Variants in ARHGEF7 observed in about 807,000 individuals in gnomAD.
ARHGEF7 encodes Rho guanine nucleotide exchange factor 7.
A neutral mutation model predicts 109.8 loss-of-function variants in ARHGEF7; 33 were observed. The ratio of observed to expected loss-of-function variants is 0.30; its 90% CI spans 0.23 to 0.40. The LOEUF is 0.40. ARHGEF7 is among the 10% of genes least tolerant of loss of function. ARHGEF7 has a pLI of 1.00. For synonymous variants in ARHGEF7, 458 were observed against 424.6 expected, an observed-to-expected ratio of 1.08 and a Z score of -0.97; for missense variants, 938 against 1,098.5, an observed-to-expected ratio of 0.85 and a Z score of 2.07.
At chr13:111,286,090 G>A (rs1332420826) in intron 16 of ARHGEF7, 57 bp from the exon 17 acceptor site, 2 of 1,373,836 alleles carry the variant, frequency 1.5e-6, no homozygotes, top group Non-Finnish European at 2.1e-6. Flanking sequence ...TTTCTGATAT[G>A]CCAGTGAAAA....
At chr13:111,203,042 G>A (rs2081371625) in intron 2 of ARHGEF7, 3 of 1,263,078 alleles carry the variant, frequency 2.4e-6, no homozygotes, top group African/African-American at 1.6e-5. Flanking sequence ...ATATAGTTCT[G>A]GAATAACAGG....
Position 111,180,956 on chromosome 13 carries a change from C to G in ARHGEF7, c.253-24333C>G, listed in dbSNP as rs117242711. 2.6e-5 allele frequency among the ~76,000 whole-genome samples: 4 copies of G among 152,322 alleles called. No individual in the cohort carries two copies. In the East Asian group the frequency reaches 7.7e-4, roughly 29 times the overall value. On this transcript the variant is annotated intron_variant, in intron 2 of 21. Transcript: ENST00000646102. ...TGTTAGTGTTCAAAATGCCCCCCAT[C>G]ATTCTGGGCATGATGTGTAACTCAG...
At chr13:111,215,716 A>G (rs1594800357) in intron 4 of ARHGEF7, among the ~76,000 whole-genome samples, 2 of 152,308 alleles carry the variant, frequency 1.3e-5, no homozygotes, top group East Asian at 3.9e-4. Context: ...GGTCTCTTTG[A>G]CATTCAAACA....
intron 3 of ARHGEF7, among the ~76,000 whole-genome samples, chr13:111,206,601 G>A (rs1197438471): frequency 1.3e-5 from 2 of 152,138 alleles, no homozygotes; most frequent in Non-Finnish European, 2.9e-5. Context: ...AATGAAAATT[G>A]TCACATTATT....
intron 6 of ARHGEF7, chr13:111,241,380 C>T: frequency 6.5e-7 from 1 of 1,531,986 alleles, no homozygotes; most frequent in Non-Finnish European, 8.7e-7. Flanking sequence ...GGAAGGCCAG[C>T]AACCTCCTGG....
At chr13:111,227,701 C>T (rs78065043) in intron 5 of ARHGEF7, among the ~76,000 whole-genome samples, 3,325 of 152,280 alleles carry the variant, frequency 0.022, 102 homozygotes, top group African/African-American at 0.073. Context: ...CCTTCTTCCT[C>T]CTACTTTCTT....
At chr13:111,147,331 T>G (rs1318376063) in intron 1 of ARHGEF7, among the ~76,000 whole-genome samples, 1 of 152,200 alleles carries the variant, frequency 6.6e-6, no homozygotes. Context: ...TCCAGTTACT[T>G]TACATCCTTG....
chr13:111,137,653 G>C (rs1404388931), intron 1 of ARHGEF7, among the ~76,000 whole-genome samples: 1 of 152,084 alleles, frequency 6.6e-6, no homozygotes, highest in Non-Finnish European at 1.5e-5. Context: ...TGAAAAATTG[G>C]AATCCCATTT....
At chr13:111,214,708 C>T (rs1242660668) in intron 4 of ARHGEF7, among the ~76,000 whole-genome samples, 1 of 152,230 alleles carries the variant, frequency 6.6e-6, no homozygotes, top group Non-Finnish European at 1.5e-5. Context: ...AGCTTTGTGT[C>T]TGCGCTGGTA....
chr13:111,224,174 G>A (rs951139477), intron 5 of ARHGEF7, among the ~76,000 whole-genome samples: 2 of 152,190 alleles, frequency 1.3e-5, no homozygotes, highest in Admixed American at 1.3e-4. Context: ...TTTTTTACAG[G>A]CTGATATGTA....
intron 6 of ARHGEF7, among the ~76,000 whole-genome samples, chr13:111,241,949 T>C (rs2087863587): frequency 6.6e-6 from 1 of 152,188 alleles, no homozygotes; most frequent in Non-Finnish European, 1.5e-5. Context: ...GCTTCCCCTG[T>C]TGTTCTGGAG....
chr13:111,251,007 C>G (rs1408170342), intron 8 of ARHGEF7, among the ~76,000 whole-genome samples: 1 of 152,188 alleles, frequency 6.6e-6, no homozygotes, highest in African/African-American at 2.4e-5. Context: ...TTGACTAGAT[C>G]ACTGGACATT....
At chr13:111,298,455 A>G (rs1475831745) in intron 19 of ARHGEF7, among the ~76,000 whole-genome samples, 1 of 152,108 alleles carries the variant, frequency 6.6e-6, no homozygotes, top group African/African-American at 2.4e-5. Context: ...GCCCACCAGA[A>G]GGCAGCCCAG....
chr13:111,140,649 T>A (rs2075302685), intron 1 of ARHGEF7, among the ~76,000 whole-genome samples: 1 of 152,142 alleles, frequency 6.6e-6, no homozygotes, highest in African/African-American at 2.4e-5. Flanking sequence ...TGCTTGGCCA[T>A]TCGAAGGACT....
chr13:111,164,729 C>T (rs1192836837), intron 2 of ARHGEF7, among the ~76,000 whole-genome samples: 1 of 152,200 alleles, frequency 6.6e-6, no homozygotes, highest in East Asian at 1.9e-4. Context: ...AAGTAGCTGT[C>T]TCAAGTTGTT....
At chr13:111,231,977 T>C (rs1036965777) in intron 5 of ARHGEF7, among the ~76,000 whole-genome samples, 1 of 152,168 alleles carries the variant, frequency 6.6e-6, no homozygotes, top group Admixed American at 6.5e-5. Flanking sequence ...TACACTGCTC[T>C]GTAGCCCTGG....
At chr13:111,182,281 G>A (rs2078824104) in intron 2 of ARHGEF7, 1 of 152,446 alleles carries the variant, frequency 6.6e-6, no homozygotes, top group Admixed American at 6.5e-5. Flanking sequence ...GTACCTAATG[G>A]AGCCCCCGTG....
At chr13:111,201,859 T>C (rs972418784) in intron 2 of ARHGEF7, among the ~76,000 whole-genome samples, 2 of 152,004 alleles carry the variant, frequency 1.3e-5, no homozygotes, top group Non-Finnish European at 2.9e-5. Flanking sequence ...TGTTAGACCA[T>C]GGGAACTCCC....
At chr13:111,302,902 C>T in intron 21 of ARHGEF7, 89 bp from the exon 22 acceptor site, 1 of 1,535,358 alleles carries the variant, frequency 6.5e-7, no homozygotes, top group Non-Finnish European at 8.9e-7. Flanking sequence ...GAATCGAGGC[C>T]TTAGCTCCTC....
Sources: gnomAD v4.1 joint callset for allele counts (sites outside exome capture counted in the v4.1 genomes callset) on GRCh38, gnomAD v4.1.1 for gene constraint, MANE v1.5 for transcripts, NCBI Gene and HGNC (gene_info 2026-07-23, HGNC 2026-07-21) for gene names.